SGIP1: variants seen among roughly 807,000 people sequenced by gnomAD.
SGIP1 encodes the protein SH3GL interacting endocytic adaptor 1.
Under a neutral mutation model 107.5 loss-of-function variants are expected in SGIP1, and 38 were observed. That is an observed-to-expected ratio of 0.35 (90% CI 0.27 to 0.46). The LOEUF (loss-of-function observed/expected upper bound fraction) is 0.46. Among genes scored for constraint, SGIP1 ranks in the 20% least tolerant of loss-of-function variants. The pLI is 1.00. For missense variants in SGIP1, 929 were observed against 1,019.5 expected (o/e 0.91, Z 1.21); for synonymous variants, 365 against 366.1 (o/e 1.00, Z 0.03).
intron 7 of SGIP1, among the ~76,000 whole-genome samples, chr1:66,651,544 T>C (rs994318964): frequency 6.7e-6 from 1 of 148,238 alleles, no homozygotes; most frequent in Admixed American, 6.7e-5. Context: ...AATTTCTGAA[T>C]GCTCACATGA....
intron 7 of SGIP1, among the ~76,000 whole-genome samples, chr1:66,644,270 G>T (rs1446206342): frequency 1.3e-5 from 2 of 151,556 alleles, no homozygotes; most frequent in East Asian, 1.9e-4. Flanking sequence ...CATCTTTAAG[G>T]TACCTCAGAT....
At chr1:66,544,140 T>A (rs1368386994) in intron 1 of SGIP1, among the ~76,000 whole-genome samples, 1 of 152,164 alleles carries the variant, frequency 6.6e-6, no homozygotes. Flanking sequence ...TTTCTCCTCT[T>A]CACCATACTA....
chr1:66,729,530 A>C (rs2093912939), intron 20 of SGIP1, 111 bp downstream of exon 20: 8 of 1,321,090 alleles, frequency 6.1e-6, no homozygotes, highest in Non-Finnish European at 1.0e-6. Flanking sequence ...AATTACCACC[A>C]CTCAGATATA....
Position 66,660,464 on chromosome 1 carries a change from A to C in SGIP1, c.460-49A>C, listed in dbSNP as rs188686169. ...CTGTTTCTTCTTGAAAATACATTTC[A>C]CCTCTCTCATTTTCTCTTTATTCTT... is the stretch of plus-strand genomic sequence containing the variant. On this transcript the variant is annotated intron_variant, in intron 7 of 24. Transcript: ENST00000371037. 18 of 1,551,650 alleles carry C rather than the reference A, an allele frequency of 1.2e-5. No homozygotes were observed. In the African/African-American group the frequency reaches 1.6e-4, roughly 14 times the overall value.
chr1:66,714,502 C>T (rs567644179), intron 18 of SGIP1, among the ~76,000 whole-genome samples: 1 of 152,034 alleles, frequency 6.6e-6, no homozygotes, highest in African/African-American at 2.4e-5. Context: ...CATATTTGTG[C>T]CCTCACCATC....
At chr1:66,733,628 T>A in intron 20 of SGIP1, 120 bp from the exon 21 acceptor site, 3 of 1,010,334 alleles carry the variant, frequency 3.0e-6, no homozygotes, top group South Asian at 1.8e-5. Context: ...TTCATAATAA[T>A]CTCTACAAAT....
At chr1:66,687,811 G>C (rs1219368747) in intron 15 of SGIP1, among the ~76,000 whole-genome samples, 5 of 152,224 alleles carry the variant, frequency 3.3e-5, no homozygotes, top group African/African-American at 1.2e-4. Flanking sequence ...GGTAGTGGTA[G>C]AGGAAGGTGG....
Position 66,684,013 on chromosome 1 carries a change from A to G in SGIP1, c.1315+1644A>G, listed in dbSNP as rs1010437049. On this transcript the variant is annotated intron_variant, in intron 15 of 24. Coordinates refer to ENST00000371037, the MANE Select transcript of SGIP1 (RefSeq NM_032291.4). ...ATTATAGGCTTGAGCTACCGCGCCCAGCCCTAAATGCTTTTTGGCCCTAAA... is the reference window on the plus strand; with the variant it reads ...ATTATAGGCTTGAGCTACCGCGCCCGGCCCTAAATGCTTTTTGGCCCTAAA... 4.6e-6 allele frequency: 7 copies of G among 1,510,192 alleles called. No individual in the cohort carries two copies. The African/African-American group carries it at 6.9e-5, about 15-fold the overall frequency. 93.5% of individuals were successfully genotyped at this position (1,510,192 alleles called of 1,614,324 possible). A position where few individuals can be genotyped will look rare whatever the true frequency, so the allele number is the denominator to read the frequency against.
At chr1:66,740,760 A>T (rs780849723) in intron 23 of SGIP1, 38 bp downstream of exon 23, 1 of 1,427,534 alleles carries the variant, frequency 7.0e-7, no homozygotes, top group East Asian at 2.3e-5. Flanking sequence ...TAACATGTAA[A>T]GCTAAAATGG....
intron 8 of SGIP1, among the ~76,000 whole-genome samples, chr1:66,664,712 T>C (rs1235022817): frequency 2.0e-5 from 3 of 152,184 alleles, no homozygotes; most frequent in African/African-American, 7.2e-5. Flanking sequence ...ACTCCTAGCT[T>C]TCTTTGTGTT....
intron 18 of SGIP1, among the ~76,000 whole-genome samples, chr1:66,715,982 G>A (rs770679507): frequency 4.9e-4 from 74 of 152,092 alleles, no homozygotes; most frequent in Non-Finnish European, 7.5e-4. Flanking sequence ...TGGTTCAAGC[G>A]CGGTGCTAAA....
intron 18 of SGIP1, among the ~76,000 whole-genome samples, chr1:66,708,501 T>C (rs576047209): frequency 3.3e-5 from 5 of 152,296 alleles, no homozygotes; most frequent in Non-Finnish European, 5.9e-5. Context: ...TCACTTTTCT[T>C]TCATTTGTAT....
At chr1:66,698,995 CCT>C (rs2091462972) in intron 18 of SGIP1, among the ~76,000 whole-genome samples, 1 of 151,686 alleles carries the variant, frequency 6.6e-6, no homozygotes, top group African/African-American at 2.4e-5. Context: ...ACTCATATAG[CCT>C]CTTACATCTC....
At chr1:66,539,538 A>G (rs528530113) in intron 1 of SGIP1, among the ~76,000 whole-genome samples, 1 of 152,186 alleles carries the variant, frequency 6.6e-6, no homozygotes, top group African/African-American at 2.4e-5. Context: ...TTGTTTAAGA[A>G]AACTTCTATA....
intron 18 of SGIP1, among the ~76,000 whole-genome samples, chr1:66,714,455 A>G (rs2093112956): frequency 6.6e-6 from 1 of 152,112 alleles, no homozygotes; most frequent in Non-Finnish European, 1.5e-5. Context: ...CATTATTGTT[A>G]TTTAGTTTTC....
At chr1:66,596,104 G>A (rs2064616663) in intron 1 of SGIP1, among the ~76,000 whole-genome samples, 2 of 152,232 alleles carry the variant, frequency 1.3e-5, no homozygotes, top group Non-Finnish European at 2.9e-5. Context: ...GAATAGGTGG[G>A]TGTATTGTAT....
intron 1 of SGIP1, among the ~76,000 whole-genome samples, chr1:66,593,790 C>G (rs2064092735): frequency 6.6e-6 from 1 of 152,250 alleles, no homozygotes; most frequent in East Asian, 1.9e-4. Flanking sequence ...TAAAAACAAA[C>G]CCAGCTGCGG....
At chr1:66,548,751 G>A (rs1454806095) in intron 1 of SGIP1, among the ~76,000 whole-genome samples, 1 of 152,028 alleles carries the variant, frequency 6.6e-6, no homozygotes, top group African/African-American at 2.4e-5. Flanking sequence ...CTCTCCAAAT[G>A]TTTCCATTAA....
chr1:66,631,704 TCTCTCTCTCTCTCTCTCTCTCTC>T (rs2074779097), intron 2 of SGIP1, among the ~76,000 whole-genome samples: 1 of 111,652 alleles, frequency 9.0e-6, no homozygotes, highest in Admixed American at 8.4e-5. Flanking sequence ...TCTCTCTCTC[TCTCTCTCTCTCTCTCTCTCTCTC>T]TTCTCACGGG....
Sources: allele counts gnomAD v4.1 joint callset (sites outside exome capture counted in the v4.1 genomes callset), GRCh38; gene constraint gnomAD v4.1.1; transcripts MANE v1.5; gene names NCBI Gene and HGNC (gene_info 2026-07-23, HGNC 2026-07-21).